Variants in ITGA11 observed in about 807,000 individuals in gnomAD.
The protein encoded by ITGA11 is integrin alpha-11.
ITGA11 carries 97 observed loss-of-function variants against 141.9 expected under a neutral mutation model. The ratio of observed to expected loss-of-function variants is 0.68; its 90% confidence interval spans 0.58 to 0.81. The LOEUF is 0.81. Among genes scored for constraint, ITGA11 ranks in the 30% least tolerant of loss-of-function variants. The probability of loss-of-function intolerance (pLI) is 0.00; values close to 1 mark genes in which losing one functional copy is unlikely to be tolerated. For synonymous variants in ITGA11, 658 were observed against 624.6 expected (o/e 1.05, Z -0.80); for missense variants, 1,387 against 1,559.2 (o/e 0.89, Z 1.86).
intron 10 of ITGA11, among the ~76,000 whole-genome samples, chr15:68,346,895 C>T (rs916473124): frequency 7.9e-5 from 12 of 152,192 alleles, no homozygotes; most frequent in African/African-American, 2.4e-4. Flanking sequence ...AGGGGGTCTT[C>T]ACAGGGGATC....
Position 68,307,322 on chromosome 15 carries a change from G to C in ITGA11, c.3381+26C>G. 6.6e-7 allele frequency: 1 copy of C among 1,523,526 alleles called. No individual in the cohort carries two copies. Among genetic ancestry groups the C allele is most frequent in the South Asian group, 1.2e-5 (1 of 83,514 alleles). The allele number at this position is 1,523,526 out of a possible 1,614,324, so 94.4% of individuals were successfully genotyped here. A position where few individuals can be genotyped will look rare whatever the true frequency, so the allele number is the denominator to read the frequency against. ...TCCCAAGCTGTCCGGCCTAAGCCCA[G>C]TTCTGCAGGGCTCCCAGGGGCTCAC... On this transcript the variant is annotated intron_variant, in intron 28 of 29. Transcript: ENST00000315757. The surrounding 1 kb of genome is among the most constrained non-coding windows in gnomAD (Gnocchi z 6.1).
chr15:68,334,759 T>C (rs926526733), intron 12 of ITGA11, among the ~76,000 whole-genome samples: 3 of 152,192 alleles, frequency 2.0e-5, no homozygotes, highest in South Asian at 2.1e-4. Context: ...CCTTCGGATG[T>C]TGGAGGCGGA....
rs1156560734 is a variant in ITGA11, at chr15:68,392,125, A to G, written c.164+10793T>C. On this transcript the variant is annotated intron_variant, in intron 2 of 29. Coordinates refer to ENST00000315757, the MANE Select transcript of ITGA11 (RefSeq NM_001004439.2). ...ATTACTATTCAATTTGATAAGTGCTATGAAAAGAGAAACACAGAATTCTAT... is the reference window on the plus strand; with the variant it reads ...ATTACTATTCAATTTGATAAGTGCTGTGAAAAGAGAAACACAGAATTCTAT... 2.0e-5 allele frequency among the ~76,000 whole-genome samples: 3 copies of G among 152,222 alleles called. No individual in the cohort carries two copies. The East Asian group carries it at 5.8e-4, about 29-fold the overall frequency.
chr15:68,423,144 C>T (rs7165305), intron 1 of ITGA11, among the ~76,000 whole-genome samples: 4 of 151,854 alleles, frequency 2.6e-5, no homozygotes, highest in South Asian at 4.1e-4. Context: ...TGCTATGTCT[C>T]GCGCTGTGCA....
intron 1 of ITGA11, among the ~76,000 whole-genome samples, chr15:68,404,055 C>T (rs1366562844): frequency 6.6e-6 from 1 of 152,154 alleles, no homozygotes; most frequent in African/African-American, 2.4e-5. Context: ...TCCATCACTC[C>T]TTCCTCCCAT....
At chr15:68,311,437 C>G in intron 24 of ITGA11, 34 bp from the exon 25 acceptor site, 5 of 1,440,616 alleles carry the variant, frequency 3.5e-6, no homozygotes, top group South Asian at 2.4e-5. Context: ...TCAGTACAGT[C>G]AGTTGAGGGG....
At chr15:68,368,199 C>T (rs1017502295) in intron 3 of ITGA11, among the ~76,000 whole-genome samples, 6 of 152,228 alleles carry the variant, frequency 3.9e-5, no homozygotes, top group Non-Finnish European at 7.3e-5. Flanking sequence ...CCCCATCTCC[C>T]AGGGAGACCC....
intron 1 of ITGA11, among the ~76,000 whole-genome samples, chr15:68,413,663 G>A (rs1436925360): frequency 6.6e-6 from 1 of 152,166 alleles, no homozygotes; most frequent in Non-Finnish European, 1.5e-5. Context: ...AGAGGCTCCT[G>A]CTTTGTAACA....
At chr15:68,358,678 C>T (rs1349127618) in intron 5 of ITGA11, 93 bp from the exon 6 acceptor site, 1 of 1,350,044 alleles carries the variant, frequency 7.4e-7, no homozygotes. Context: ...AAATGAATGA[C>T]TCTGCTCCAT....
intron 1 of ITGA11, among the ~76,000 whole-genome samples, chr15:68,417,543 A>T (rs1040209569): frequency 6.6e-6 from 1 of 152,132 alleles, no homozygotes; most frequent in African/African-American, 2.4e-5. Flanking sequence ...AGCCACAGTG[A>T]TCTTTCAACG....
At chr15:68,341,199 G>A (rs953208781) in intron 10 of ITGA11, among the ~76,000 whole-genome samples, 2 of 152,216 alleles carry the variant, frequency 1.3e-5, no homozygotes, top group African/African-American at 4.8e-5. Flanking sequence ...GTTTCACGTT[G>A]TACTTTCTAA....
chr15:68,349,519 A>C (rs1894840163), intron 9 of ITGA11, among the ~76,000 whole-genome samples: 1 of 152,192 alleles, frequency 6.6e-6, no homozygotes, highest in Non-Finnish European at 1.5e-5. Context: ...TGAGTTCTGG[A>C]GTGGGTGTCA....
intron 2 of ITGA11, among the ~76,000 whole-genome samples, chr15:68,398,309 C>T (rs1453041442): frequency 1.3e-5 from 2 of 151,882 alleles, no homozygotes; most frequent in African/African-American, 4.8e-5. Context: ...GGAGGAAGAT[C>T]TACCAAGCAA....
intron 2 of ITGA11, among the ~76,000 whole-genome samples, chr15:68,384,264 T>TG (rs1555452214): frequency 7.5e-6 from 1 of 132,662 alleles, no homozygotes; most frequent in African/African-American, 2.8e-5. Context: ...GGTTTGGCAT[T>TG]AAAAAAAAAA....
At chr15:68,367,092 A>G (rs1254010424) in intron 3 of ITGA11, among the ~76,000 whole-genome samples, 7 of 152,102 alleles carry the variant, frequency 4.6e-5, no homozygotes, top group Non-Finnish European at 1.0e-4. Context: ...CCACACCTCA[A>G]ATGAAGAGTA....
At position 68,300,097 on chromosome 15, in the gene ITGA11, A is replaced by G. The variant is rs999457752; in HGVS notation, c.*2962T>C. 2.0e-5 allele frequency: 3 copies of G among 152,232 alleles called. No homozygotes were observed. The highest frequency in any genetic ancestry group is 7.2e-5 in the African/African-American group (3 of 41,460). 9.4% of individuals were successfully genotyped at this position (152,232 alleles called of 1,614,324 possible). ...AGATTAGAGAATAGCAGAATATTAT[A>G]GCTATTATGTAATATTAAATCCAGA... On this transcript the variant is annotated 3_prime_UTR_variant, in exon 30 of 30. Transcript: ENST00000315757.
chr15:68,392,633 A>T (rs1896148253), intron 2 of ITGA11, among the ~76,000 whole-genome samples: 1 of 152,216 alleles, frequency 6.6e-6, no homozygotes, highest in Non-Finnish European at 1.5e-5. Flanking sequence ...TGGAAAATCT[A>T]TCAGAAAACA....
Position 68,366,111 on chromosome 15 carries a change from C to G in ITGA11, c.266-1313G>C, listed in dbSNP as rs368259117. Reference sequence around the variant, plus strand: ...AGCAAGGCTCCTTTTGAAATCTGCCCTTCTTGGCTGTGCTAAGAATGACTG... The same window carrying G: ...AGCAAGGCTCCTTTTGAAATCTGCCGTTCTTGGCTGTGCTAAGAATGACTG... On this transcript the variant is annotated intron_variant, in intron 3 of 29. Coordinates refer to ENST00000315757, the MANE Select transcript of ITGA11 (RefSeq NM_001004439.2). Among the ~76,000 whole-genome samples, 438 of 152,292 alleles carry G rather than the reference C, an allele frequency of 2.9e-3. 4 individuals carry two copies. Among genetic ancestry groups the G allele is most frequent in the African/African-American group, 0.01 (419 of 41,562 alleles).
intron 11 of ITGA11, among the ~76,000 whole-genome samples, chr15:68,337,703 C>A (rs1047510199): frequency 1.3e-5 from 2 of 151,234 alleles, no homozygotes; most frequent in African/African-American, 4.8e-5. Flanking sequence ...GCTGAGCTCT[C>A]ACTCAGATAT....
Sources: gnomAD v4.1 joint callset for allele counts (sites outside exome capture counted in the v4.1 genomes callset) on GRCh38, gnomAD v4.1.1 for gene constraint, Gnocchi (gnomAD v3.1) non-coding constraint, MANE v1.5 for transcripts, NCBI Gene and HGNC (gene_info 2026-07-23, HGNC 2026-07-21) for gene names.